Variants in SVOP observed in about 807,000 individuals in gnomAD.
The protein encoded by SVOP is SV2 related protein.
A neutral mutation model predicts 69.1 loss-of-function variants in SVOP; 17 were observed. The ratio of observed to expected loss-of-function variants is 0.25; its 90% CI spans 0.17 to 0.37. The LOEUF (loss-of-function observed/expected upper bound fraction) is 0.37. Among genes scored for constraint, SVOP ranks in the 10% least tolerant of loss-of-function variants. The pLI is 1.00. For synonymous variants in SVOP, 238 were observed against 238.6 expected, an observed-to-expected ratio of 1.00 and a Z score of 0.02; for missense variants, 435 against 597.5, an observed-to-expected ratio of 0.73 and a Z score of 2.84.
chr12:108,967,092 TTTAA>T (rs2137426899), intron 5 of SVOP, among the ~76,000 whole-genome samples: 1 of 152,318 alleles, frequency 6.6e-6, no homozygotes, highest in Admixed American at 6.5e-5. Flanking sequence ...ATAGCTTGTC[TTTAA>T]TTAGAGGAGC....
intron 5 of SVOP, among the ~76,000 whole-genome samples, chr12:108,964,109 C>T (rs1330246005): frequency 1.3e-5 from 2 of 152,028 alleles, no homozygotes; most frequent in Non-Finnish European, 2.9e-5. Context: ...AATCCCAGCA[C>T]TTTGAGAGCT....
intron 11 of SVOP, among the ~76,000 whole-genome samples, chr12:108,925,932 T>A (rs2039777509): frequency 6.6e-6 from 1 of 151,912 alleles, no homozygotes; most frequent in African/African-American, 2.4e-5. Flanking sequence ...CTTTTTTTTT[T>A]TTTTGAGACA....
chr12:108,967,513 GA>G (rs200820363), intron 5 of SVOP, among the ~76,000 whole-genome samples: 2,454 of 151,826 alleles, frequency 0.016, 27 homozygotes, highest in Non-Finnish European at 0.026. Context: ...AAAAAAAAAG[GA>G]AAAAAAGAAA....
At chr12:108,951,923 T>C (rs1387265903) in intron 6 of SVOP, among the ~76,000 whole-genome samples, 2 of 152,218 alleles carry the variant, frequency 1.3e-5, no homozygotes, top group Non-Finnish European at 2.9e-5. Context: ...CCTTGTGACT[T>C]GCTTTGACCA....
At chr12:109,001,858 A>C (rs2135621918) in intron 1 of SVOP, among the ~76,000 whole-genome samples, 1 of 151,662 alleles carries the variant, frequency 6.6e-6, no homozygotes, top group Admixed American at 6.6e-5. Flanking sequence ...TAAAAACCCT[A>C]GAAGAAAACC....
At position 108,912,061 on chromosome 12, in the gene SVOP, A is replaced by T; in HGVS notation, c.*474T>A. Reference sequence around the variant, plus strand: ...AAATAGCTGCTCAGACCACACCTAGATCGCCTGCAATTTCAAAGAAGAAAG... The same window carrying T: ...AAATAGCTGCTCAGACCACACCTAGTTCGCCTGCAATTTCAAAGAAGAAAG... On this transcript the variant is annotated 3_prime_UTR_variant, in exon 16 of 16. Coordinates refer to ENST00000610966, the MANE Select transcript of SVOP (RefSeq NM_018711.5). 1.6e-6 allele frequency: 1 copy of T among 620,162 alleles called. No individual in the cohort carries two copies. The highest frequency in any genetic ancestry group is 2.0e-6 in the Non-Finnish European group (1 of 492,666). 38.4% of individuals were successfully genotyped at this position (620,162 alleles called of 1,614,324 possible).
intron 4 of SVOP, 87 bp from the exon 5 acceptor site, chr12:108,972,563 C>T: frequency 6.8e-6 from 9 of 1,328,734 alleles, no homozygotes; most frequent in Non-Finnish European, 9.4e-6. Context: ...GTGACGTCAC[C>T]CTCTAGGTAA....
intron 6 of SVOP, among the ~76,000 whole-genome samples, chr12:108,951,263 T>C (rs377193706): frequency 1.3e-5 from 2 of 152,302 alleles, no homozygotes; most frequent in South Asian, 2.1e-4. Flanking sequence ...GTTACCTTAC[T>C]CCAGGTTTCC....
intron 11 of SVOP, among the ~76,000 whole-genome samples, chr12:108,930,423 A>T (rs1201254543): frequency 2.2e-5 from 3 of 138,310 alleles, no homozygotes. Flanking sequence ...ATAGAGTTTG[A>T]ACAGTTGATT....
At chr12:109,005,548 C>T (rs936934959) in intron 1 of SVOP, among the ~76,000 whole-genome samples, 16 of 152,066 alleles carry the variant, frequency 1.1e-4, no homozygotes, top group African/African-American at 3.9e-4. Flanking sequence ...GTGGTTAATA[C>T]ACAAGTAAAC....
chr12:109,008,882 G>A (rs1284060936), intron 1 of SVOP, among the ~76,000 whole-genome samples: 2 of 151,726 alleles, frequency 1.3e-5, no homozygotes, highest in Non-Finnish European at 2.9e-5. Context: ...TTACTCTTCT[G>A]ATTGGAGAAC....
At chr12:108,976,623 T>A (rs2040107945) in intron 4 of SVOP, among the ~76,000 whole-genome samples, 1 of 151,974 alleles carries the variant, frequency 6.6e-6, no homozygotes, top group Non-Finnish European at 1.5e-5. Context: ...TCTTTTTTTT[T>A]TTTTTAATTT....
intron 4 of SVOP, among the ~76,000 whole-genome samples, chr12:108,976,543 T>C (rs1213613196): frequency 1.3e-5 from 2 of 152,082 alleles, no homozygotes; most frequent in Admixed American, 1.3e-4. Flanking sequence ...AAATGCTCTG[T>C]AAGTATTAGC....
rs139902613 is a variant in SVOP, at chr12:108,976,279, G to C, written c.381+1119C>G. Among the ~76,000 whole-genome samples the C allele has an allele frequency of 4.9e-3, 739 of 152,142 alleles. 4 individuals carry two copies. The highest frequency in any genetic ancestry group is 8.8e-3 in the Non-Finnish European group (598 of 67,984). ...AACCTTATTGCTAATATCAGACTGG[G>C]CCATGCTGTGTGGAAGGCACTCAGG... On this transcript the variant is annotated intron_variant, in intron 4 of 15. Transcript: ENST00000610966.
At chr12:108,981,986 TCATCATCACCAC>T (rs1252445061) in intron 2 of SVOP, among the ~76,000 whole-genome samples, 15 of 150,844 alleles carry the variant, frequency 9.9e-5, no homozygotes, top group Non-Finnish European at 1.8e-4. Flanking sequence ...ACCATCATCT[TCATCATCACCAC>T]CATCATCACT....
At chr12:108,914,371 T>TA (rs2039701482) in intron 15 of SVOP, among the ~76,000 whole-genome samples, 1 of 152,044 alleles carries the variant, frequency 6.6e-6, no homozygotes, top group Non-Finnish European at 1.5e-5. Flanking sequence ...TTTACCTCAA[T>TA]AAAAAAGTGA....
rs556333958 is a variant in SVOP at position 108,955,931 on chromosome 12, C to T, written c.578+4992G>A. ...GTTCAGTGACTTGCCTGAGGTCATA[C>T]AGCTATTATGTGACAGAGCAGCCAG... On this transcript the variant is annotated intron_variant, in intron 6 of 15. Transcript: ENST00000610966. 6.8e-4 allele frequency among the ~76,000 whole-genome samples: 103 copies of T among 152,280 alleles called. 1 individual carries two copies. Among genetic ancestry groups the T allele is most frequent in the African/African-American group, 2.4e-3 (98 of 41,548 alleles).
In SVOP at chr12:108,978,682, G is replaced by A. The variant is rs1009230868; in HGVS notation, c.197-19C>T. 1 of 703,670 alleles carries A rather than the reference G, an allele frequency of 1.4e-6. No individual in the cohort carries two copies. Among genetic ancestry groups the A allele is most frequent in the Non-Finnish European group, 2.6e-6 (1 of 384,790 alleles). 43.6% of individuals were successfully genotyped at this position (703,670 alleles called of 1,614,324 possible). A position where few individuals can be genotyped will look rare whatever the true frequency, so the allele number is the denominator to read the frequency against. On this transcript the variant is annotated intron_variant, in intron 2 of 15. Coordinates refer to ENST00000610966, the MANE Select transcript of SVOP (RefSeq NM_018711.5). ...AAAGTATCTGGGAAGGAGAAAGGGA[G>A]AGGGAAGGAAGGAATCAGTGCACCT...
chr12:108,975,947 C>T (rs565889091), intron 4 of SVOP, among the ~76,000 whole-genome samples: 11 of 152,090 alleles, frequency 7.2e-5, no homozygotes, highest in African/African-American at 9.6e-5. Flanking sequence ...GTGATCTGCC[C>T]GCCTCAGCCT....
Sources: allele counts gnomAD v4.1 joint callset (sites outside exome capture counted in the v4.1 genomes callset), GRCh38; gene constraint gnomAD v4.1.1; transcripts MANE v1.5; gene names NCBI Gene and HGNC (gene_info 2026-07-23, HGNC 2026-07-21).